The following SEMA6D variants were observed in gnomAD, a reference collection of about 807,000 sequenced individuals.
SEMA6D encodes the protein semaphorin-6D.
In SEMA6D, 35 loss-of-function variants were observed where a neutral mutation model predicts 106.6. The ratio of observed to expected loss-of-function variants is 0.33; its 90% CI spans 0.25 to 0.44. The LOEUF is 0.44. Among genes scored for constraint, SEMA6D ranks in the 20% least tolerant of loss-of-function variants. SEMA6D has a pLI of 1.00. For synonymous variants in SEMA6D, 499 were observed against 487.7 expected, an observed-to-expected ratio of 1.02 and a Z score of -0.31; for missense variants, 1,185 against 1,345.9, an observed-to-expected ratio of 0.88 and a Z score of 1.87.
At chr15:47,718,109 C>A (rs1027059600) in intron 1 of SEMA6D, among the ~76,000 whole-genome samples, 1 of 152,196 alleles carries the variant, frequency 6.6e-6, no homozygotes, top group African/African-American at 2.4e-5. Flanking sequence ...GCTCGGCGTC[C>A]CCCGCACATA....
chr15:47,367,943 G>A (rs992784184), intron 1 of SEMA6D, among the ~76,000 whole-genome samples: 7 of 146,894 alleles, frequency 4.8e-5, no homozygotes, highest in Admixed American at 3.5e-4. Flanking sequence ...GGGAGACCAA[G>A]GGCCCCCTGT....
intron 1 of SEMA6D, among the ~76,000 whole-genome samples, chr15:47,369,439 A>G (rs190083444): frequency 1.3e-5 from 2 of 152,242 alleles, no homozygotes; most frequent in African/African-American, 4.8e-5. Context: ...ACATCTTTCC[A>G]TTATTGCTGA....
intron 3 of SEMA6D, among the ~76,000 whole-genome samples, chr15:47,514,227 T>C (rs1312433860): frequency 1.3e-5 from 2 of 152,212 alleles, no homozygotes; most frequent in Non-Finnish European, 2.9e-5. Context: ...GGCAAGAGAC[T>C]CTCTTAGAAC....
At chr15:47,665,837 T>A (rs918369137) in intron 4 of SEMA6D, among the ~76,000 whole-genome samples, 2 of 152,168 alleles carry the variant, frequency 1.3e-5, no homozygotes, top group Non-Finnish European at 2.9e-5. Flanking sequence ...AATAGTTTAC[T>A]CATAGTGACT....
chr15:47,772,810 C>CG lies in SEMA6D; in HGVS notation c.*1025_*1026insG, dbSNP rs893601961. 4 of 121,898 alleles carry CG rather than the reference C, an allele frequency of 3.3e-5. No individual in the cohort carries two copies. The highest frequency in any genetic ancestry group is 1.2e-4 in the African/African-American group (4 of 32,960). The allele number at this position is 121,898 out of a possible 1,614,324, so 7.6% of individuals were successfully genotyped here. On this transcript the variant is annotated 3_prime_UTR_variant, in exon 19 of 19. Transcript: ENST00000536845. Reference sequence around the variant, plus strand: ...TTTTGATTGTGTTCGTTTCCCCCCCCCCAATAGTAAAATTTCTCCTCCTTT... The same window carrying CG: ...TTTTGATTGTGTTCGTTTCCCCCCCCGCCAATAGTAAAATTTCTCCTCCTTT...
intron 3 of SEMA6D, among the ~76,000 whole-genome samples, chr15:47,507,088 G>A (rs1454520288): frequency 6.6e-6 from 1 of 152,188 alleles, no homozygotes; most frequent in Non-Finnish European, 1.5e-5. Context: ...TTGGAGCCAT[G>A]TGCATTTCCC....
upstream of SEMA6D, among the ~76,000 whole-genome samples, chr15:47,715,984 A>C (rs1221745847): frequency 6.6e-6 from 1 of 152,210 alleles, no homozygotes; most frequent in Non-Finnish European, 1.5e-5. Context: ...GGAAACAGGC[A>C]CAGCTTTCTG....
chr15:47,493,771 C>T (rs1307651068), intron 3 of SEMA6D, among the ~76,000 whole-genome samples: 3 of 152,026 alleles, frequency 2.0e-5, no homozygotes, highest in Non-Finnish European at 4.4e-5. Flanking sequence ...GTAATTTATC[C>T]AAGACTGATT....
At chr15:47,582,576 G>T (rs1188912045) in intron 3 of SEMA6D, among the ~76,000 whole-genome samples, 1 of 152,080 alleles carries the variant, frequency 6.6e-6, no homozygotes, top group East Asian at 1.9e-4. Context: ...GGAGCAGGTG[G>T]CCCTGTGTGC....
At chr15:47,716,010 G>A (rs2079105383), upstream of SEMA6D, among the ~76,000 whole-genome samples, 1 of 152,178 alleles carries the variant, frequency 6.6e-6, no homozygotes, top group African/African-American at 2.4e-5. Context: ...GAAGTTGGCT[G>A]GGGAAGGGCC....
chr15:47,322,427 C>G (rs1246697540), intron 1 of SEMA6D, among the ~76,000 whole-genome samples: 3 of 151,734 alleles, frequency 2.0e-5, no homozygotes, highest in African/African-American at 7.3e-5. Flanking sequence ...TTAATGAGTT[C>G]TTGCCAGATA....
At chr15:47,572,915 C>T (rs942551789) in intron 3 of SEMA6D, among the ~76,000 whole-genome samples, 1 of 151,902 alleles carries the variant, frequency 6.6e-6, no homozygotes, top group Admixed American at 6.6e-5. Flanking sequence ...CATGGAATTA[C>T]ATCCTAAAGG....
intron 2 of SEMA6D, among the ~76,000 whole-genome samples, chr15:47,417,154 T>G (rs968294989): frequency 8.5e-5 from 13 of 152,170 alleles, no homozygotes; most frequent in Admixed American, 8.5e-4. Context: ...GCAAAAATTT[T>G]TAATTAAATA....
chr15:47,577,907 C>A (rs954120070), intron 3 of SEMA6D, among the ~76,000 whole-genome samples: 2 of 152,146 alleles, frequency 1.3e-5, no homozygotes, highest in Non-Finnish European at 2.9e-5. Context: ...TCAAAATATG[C>A]ATGTGGAAGA....
intron 1 of SEMA6D, among the ~76,000 whole-genome samples, chr15:47,229,080 A>G (rs561208501): frequency 6.6e-6 from 1 of 152,128 alleles, no homozygotes; most frequent in African/African-American, 2.4e-5. Context: ...AGCGTATACT[A>G]AAGAGACTAG....
intron 1 of SEMA6D, among the ~76,000 whole-genome samples, chr15:47,724,811 C>G (rs2079635780): frequency 6.6e-6 from 1 of 152,138 alleles, no homozygotes; most frequent in Non-Finnish European, 1.5e-5. Flanking sequence ...CAGCTTAAGC[C>G]ATCAGAATGA....
At chr15:47,302,739 G>C (rs1009497572) in intron 1 of SEMA6D, among the ~76,000 whole-genome samples, 1 of 152,206 alleles carries the variant, frequency 6.6e-6, no homozygotes, top group Non-Finnish European at 1.5e-5. Context: ...ATGAACAAAG[G>C]GATGGGGGTA....
intron 4 of SEMA6D, among the ~76,000 whole-genome samples, chr15:47,701,935 T>C (rs8032916): frequency 1 from 152,293 of 152,310 alleles, 76,138 homozygotes; most frequent in Non-Finnish European, 1. Flanking sequence ...CTCTGAACTG[T>C]TAGTTTGCTG....
At position 47,767,102 on chromosome 15, in the gene SEMA6D, T is replaced by G; in HGVS notation, c.1765+9T>G. ...TGGCGGTCCAACATCTGGTTAGTTTTTTTTAATTTTTTTGAATTAACAACC... is the reference window on the plus strand; with the variant it reads ...TGGCGGTCCAACATCTGGTTAGTTTGTTTTAATTTTTTTGAATTAACAACC... On this transcript the variant is annotated intron_variant, in intron 17 of 18. Transcript: ENST00000536845. 1.9e-6 allele frequency: 3 copies of G among 1,547,080 alleles called. No individual in the cohort carries two copies. The highest frequency in any genetic ancestry group is 2.6e-6 in the Non-Finnish European group (3 of 1,136,660).
Sources: allele counts gnomAD v4.1 joint callset (sites outside exome capture counted in the v4.1 genomes callset), GRCh38; gene constraint gnomAD v4.1.1; transcripts MANE v1.5; gene names NCBI Gene and HGNC (gene_info 2026-07-23, HGNC 2026-07-21).